The following KCTD3 variants were observed in gnomAD, a reference collection of about 807,000 sequenced individuals.
KCTD3 encodes the protein BTB/POZ domain-containing protein KCTD3.
KCTD3 carries 41 observed loss-of-function variants against 85.8 expected under a neutral mutation model. The observed-to-expected ratio is 0.48, with a 90% CI of 0.37 to 0.62. The LOEUF (loss-of-function observed/expected upper bound fraction) is 0.62. KCTD3 is among the 20% of genes least tolerant of loss of function. KCTD3 has a pLI of 0.00. For synonymous variants in KCTD3, 338 were observed against 345.4 expected (o/e 0.98, Z 0.24); for missense variants, 724 against 989.9 (o/e 0.73, Z 3.60).
rs781144946 is a variant in KCTD3, at chr1:215,608,184, T to C, written c.1465+12T>C. ...TGGAAATGACATAGGTGGGTTAGGT[T>C]ATTTTAGGGCATTTTTAGGTACTAT... On this transcript the variant is annotated intron_variant, in intron 14 of 17. Transcript: ENST00000259154. 2 of 1,600,572 alleles carry C rather than the reference T, an allele frequency of 1.2e-6. No individual in the cohort carries two copies. The highest frequency in any genetic ancestry group is 3.5e-5 in the Admixed American group (2 of 57,616).
Position 215,619,184 on chromosome 1 carries a change from C to G in KCTD3, c.1779C>G (p.Leu593=). The G allele has an allele frequency of 6.2e-7, 1 of 1,613,986 alleles. No individual in the cohort carries two copies. The highest frequency in any genetic ancestry group is 8.5e-7 in the Non-Finnish European group (1 of 1,179,892). Residue 593 remains leucine, a synonymous_variant, in exon 17 of 18, where the codon CTC becomes CTG. Coordinates refer to ENST00000259154, the MANE Select transcript of KCTD3 (RefSeq NM_016121.5). ...GTGGTCCAACCGAAGAAGAGCTACT[C>G]AAATTACTCGATCAATGTGATTTGA... ...DVGGPTEEEL[L]KLLDQCDLST... is the part of the protein sequence containing the mutation.
chr1:215,607,506 G>A (rs1007201797), intron 13 of KCTD3, among the ~76,000 whole-genome samples: 2 of 151,938 alleles, frequency 1.3e-5, no homozygotes, highest in African/African-American at 2.4e-5. Context: ...CTCAGCTTTA[G>A]TACAGAATCT....
intron 14 of KCTD3, 26 bp from the exon 15 acceptor site, chr1:215,611,799 T>C: frequency 7.0e-7 from 1 of 1,432,590 alleles, no homozygotes; most frequent in Non-Finnish European, 9.6e-7. Context: ...TAATTAATTT[T>C]TTGACATTTT....
At chr1:215,575,454 T>A (rs185795554) in intron 3 of KCTD3, among the ~76,000 whole-genome samples, 1 of 152,342 alleles carries the variant, frequency 6.6e-6, no homozygotes, top group Admixed American at 6.5e-5. Context: ...GTGCAGTATT[T>A]ACTTTTCTCA....
chr1:215,588,234 G>A lies in KCTD3; in HGVS notation c.817+1549G>A, dbSNP rs188663331. ...GCAGCTCCTGTAGCTCTTTGCTCCA[G>A]CATTTGTGAAGGTGCTTTTCCTTGA... is the stretch of plus-strand genomic sequence containing the variant. On this transcript the variant is annotated intron_variant, in intron 9 of 17. Coordinates refer to ENST00000259154, the MANE Select transcript of KCTD3 (RefSeq NM_016121.5). Among the ~76,000 whole-genome samples, 247 of 152,104 alleles carry A rather than the reference G, an allele frequency of 1.6e-3. 1 individual carries two copies. Among genetic ancestry groups the A allele is most frequent in the Non-Finnish European group, 2.3e-3 (157 of 67,970 alleles).
chr1:215,572,327 T>G (rs1013571510), intron 1 of KCTD3, among the ~76,000 whole-genome samples: 2 of 152,258 alleles, frequency 1.3e-5, no homozygotes, highest in Non-Finnish European at 2.9e-5. Context: ...CAACATCTAC[T>G]TTTTTAATAC....
At chr1:215,590,898 A>G (rs1179457358) in intron 9 of KCTD3, among the ~76,000 whole-genome samples, 2 of 152,178 alleles carry the variant, frequency 1.3e-5, no homozygotes, top group Non-Finnish European at 2.9e-5. Context: ...GTTATGAATT[A>G]TGTTACCTTT....
rs1478099579 is a variant in KCTD3 at position 215,567,759 on chromosome 1, G to T, written c.74G>T (p.Gly25Val). The T allele has an allele frequency of 5.6e-6, 7 of 1,244,902 alleles. No individual in the cohort carries two copies. Among genetic ancestry groups the T allele is most frequent in the South Asian group, 4.1e-5 (1 of 24,414 alleles). The allele number at this position is 1,244,902 out of a possible 1,614,324, so 77.1% of individuals were successfully genotyped here. The change falls in exon 1 of 18, where the codon GGG (glycine) becomes GTG (valine). Residue 25 changes from glycine (G) to valine (V), a missense_variant. Coordinates refer to ENST00000259154, the MANE Select transcript of KCTD3 (RefSeq NM_016121.5). ...GGCGAGATCGTCCAACTGAACGTAG[G>T]GGGGACCAGGTGAGTCGGCGGGTAG... The part of the protein sequence containing the change: ...GSGEIVQLNV[G>V]GTRFSTSRQT...
chr1:215,582,566 G>T (rs2102564819), intron 8 of KCTD3, among the ~76,000 whole-genome samples: 1 of 152,032 alleles, frequency 6.6e-6, no homozygotes, highest in South Asian at 2.1e-4. Flanking sequence ...GTTTTGTTTT[G>T]TTTTTGAGAT....
At chr1:215,614,352 C>A (rs1223459091) in intron 15 of KCTD3, among the ~76,000 whole-genome samples, 1 of 152,126 alleles carries the variant, frequency 6.6e-6, no homozygotes, top group East Asian at 1.9e-4. Context: ...TTTTCTAATT[C>A]TGTGAAAAAT....
rs1655677734 is a variant in KCTD3, at chr1:215,621,250, A to G, written c.*632A>G. The G allele has an allele frequency of 6.6e-6, 1 of 152,540 alleles. No individual in the cohort carries two copies. Among genetic ancestry groups the G allele is most frequent in the African/African-American group, 2.4e-5 (1 of 41,454 alleles). The allele number at this position is 152,540 out of a possible 1,614,324, so 9.4% of individuals were successfully genotyped here. A position where few individuals can be genotyped will look rare whatever the true frequency, so the allele number is the denominator to read the frequency against. ...CATTGGGAGATCTTAAATCTTAGCA[A>G]GCATTAGCAATATTAAATGCCAAAA... On this transcript the variant is annotated 3_prime_UTR_variant, in exon 18 of 18. Coordinates refer to ENST00000259154, the MANE Select transcript of KCTD3 (RefSeq NM_016121.5).
At chr1:215,594,829 A>G (rs1660355295) in intron 9 of KCTD3, among the ~76,000 whole-genome samples, 1 of 152,164 alleles carries the variant, frequency 6.6e-6, no homozygotes, top group South Asian at 2.1e-4. Flanking sequence ...TTTTAGTATC[A>G]TGTGACTTCT....
At chr1:215,589,619 G>A (rs551722757) in intron 9 of KCTD3, among the ~76,000 whole-genome samples, 32 of 152,186 alleles carry the variant, frequency 2.1e-4, no homozygotes, top group Non-Finnish European at 7.3e-5. Context: ...AAACTGCATT[G>A]TTTATGCAGT....
intron 13 of KCTD3, among the ~76,000 whole-genome samples, 185 bp downstream of exon 13, chr1:215,604,487 A>G (rs1261962711): frequency 2.0e-5 from 3 of 152,160 alleles, no homozygotes; most frequent in African/African-American, 4.8e-5. Context: ...GCTCATGCCT[A>G]TAAATCCTAG....
chr1:215,582,431 ATTC>A (rs1414287510), intron 8 of KCTD3, among the ~76,000 whole-genome samples: 1 of 152,256 alleles, frequency 6.6e-6, no homozygotes, highest in Non-Finnish European at 1.5e-5. Context: ...ACGTAACTCT[ATTC>A]TTCGCATAGC....
intron 1 of KCTD3, among the ~76,000 whole-genome samples, chr1:215,569,957 C>T (rs1379110850): frequency 6.6e-6 from 1 of 152,122 alleles, no homozygotes; most frequent in East Asian, 1.9e-4. Flanking sequence ...AAAACAACAT[C>T]CGACTCCATA....
At position 215,573,850 on chromosome 1, in the gene KCTD3, T is replaced by C. The variant is rs764703288; in HGVS notation, c.137+11T>C. On this transcript the variant is annotated intron_variant, in intron 2 of 17. Coordinates refer to ENST00000259154, the MANE Select transcript of KCTD3 (RefSeq NM_016121.5). ...TTCTTTTTTTTCCAGGTATGTCTTA[T>C]AATTCTTTAGTGTATATTTTAATAC... is the stretch of plus-strand genomic sequence containing the variant. 6.7e-7 allele frequency: 1 copy of C among 1,485,716 alleles called. No homozygotes were observed. Among genetic ancestry groups the C allele is most frequent in the Non-Finnish European group, 9.3e-7 (1 of 1,071,844 alleles). The allele number at this position is 1,485,716 out of a possible 1,614,324, so 92.0% of individuals were successfully genotyped here.
At chr1:215,593,951 G>A (rs994224021) in intron 9 of KCTD3, among the ~76,000 whole-genome samples, 1 of 148,144 alleles carries the variant, frequency 6.8e-6, no homozygotes, top group Non-Finnish European at 1.5e-5. Context: ...ACCTCTGCCT[G>A]TGGGTTTAAG....
intron 9 of KCTD3, among the ~76,000 whole-genome samples, chr1:215,595,068 A>G (rs985810924): frequency 6.6e-6 from 1 of 152,292 alleles, no homozygotes; most frequent in Non-Finnish European, 1.5e-5. Flanking sequence ...TTTTAAATCT[A>G]TCAATCAGGT....
Sources: allele counts gnomAD v4.1 joint callset (sites outside exome capture counted in the v4.1 genomes callset), GRCh38; gene constraint gnomAD v4.1.1; transcripts MANE v1.5; gene names NCBI Gene and HGNC (gene_info 2026-07-23, HGNC 2026-07-21).